Variants in GNAQ observed in about 807,000 individuals in gnomAD.
GNAQ encodes G protein subunit alpha q.
Under a neutral mutation model 43.9 loss-of-function variants are expected in GNAQ, and 8 were observed. The observed-to-expected ratio is 0.18, with a 90% CI of 0.11 to 0.33. The LOEUF is 0.33. Ranked by LOEUF, GNAQ falls within the 10% of genes least tolerant of loss-of-function variation. The pLI is 1.00. For missense variants in GNAQ, 158 were observed against 450.8 expected (o/e 0.35, Z 5.88); for synonymous variants, 155 against 170.7 (o/e 0.91, Z 0.71).
intron 1 of GNAQ, among the ~76,000 whole-genome samples, chr9:77,967,188 G>A (rs911963843): frequency 2.0e-5 from 3 of 152,160 alleles, no homozygotes; most frequent in African/African-American, 7.2e-5. Flanking sequence ...ATTGCAGAAT[G>A]GGAAGCTGCC....
intron 5 of GNAQ, among the ~76,000 whole-genome samples, chr9:77,743,649 T>C (rs528321030): frequency 4.1e-5 from 5 of 122,898 alleles, no homozygotes; most frequent in Admixed American, 8.9e-5. Context: ...TTGGATTGGC[T>C]GATCTTTTTT....
intron 5 of GNAQ, among the ~76,000 whole-genome samples, chr9:77,729,878 A>C (rs953684531): frequency 1.3e-5 from 2 of 152,182 alleles, no homozygotes; most frequent in African/African-American, 2.4e-5. Context: ...CCAGGCCCCA[A>C]ATCACCTGGA....
chr9:77,940,042 T>C (rs189479589), intron 1 of GNAQ, among the ~76,000 whole-genome samples: 2 of 152,264 alleles, frequency 1.3e-5, no homozygotes, highest in African/African-American at 2.4e-5. Context: ...TACTAGACAA[T>C]ATGTGTAAAC....
At chr9:77,910,641 T>C (rs947276392) in intron 2 of GNAQ, among the ~76,000 whole-genome samples, 2 of 152,302 alleles carry the variant, frequency 1.3e-5, no homozygotes, top group East Asian at 3.9e-4. Flanking sequence ...GCTATTTTTT[T>C]TTTTTAATCA....
intron 3 of GNAQ, among the ~76,000 whole-genome samples, chr9:77,801,583 T>A (rs1383180380): frequency 6.6e-6 from 1 of 152,112 alleles, no homozygotes; most frequent in Non-Finnish European, 1.5e-5. Context: ...TTTGCCTCAG[T>A]TGAATAATAG....
At chr9:77,853,580 T>G (rs1409187067) in intron 2 of GNAQ, among the ~76,000 whole-genome samples, 6 of 151,932 alleles carry the variant, frequency 3.9e-5, no homozygotes, top group Admixed American at 3.9e-4. Flanking sequence ...AATATATCAG[T>G]AGAGGCTCAG....
intron 5 of GNAQ, among the ~76,000 whole-genome samples, chr9:77,779,762 G>A (rs114017860): frequency 0.012 from 1,816 of 148,776 alleles, 37 homozygotes; most frequent in African/African-American, 0.041. Context: ...TCACACGGAC[G>A]TTAAAAGGAC....
intron 2 of GNAQ, among the ~76,000 whole-genome samples, chr9:77,878,044 T>C (rs922206808): frequency 7.2e-5 from 11 of 152,188 alleles, no homozygotes; most frequent in African/African-American, 2.7e-4. Context: ...TCCATGAAGA[T>C]AGAACAGGAT....
chr9:77,897,521 T>A (rs894276220), intron 2 of GNAQ, among the ~76,000 whole-genome samples: 1 of 152,192 alleles, frequency 6.6e-6, no homozygotes, highest in Admixed American at 6.5e-5. Context: ...TCTGCTTTCA[T>A]AGGATGCAGC....
At chr9:78,022,974 T>C (rs1823929144) in intron 1 of GNAQ, among the ~76,000 whole-genome samples, 1 of 152,226 alleles carries the variant, frequency 6.6e-6, no homozygotes, top group South Asian at 2.1e-4. Context: ...TGCAAGTCAC[T>C]GAGAAGAGGG....
intron 1 of GNAQ, among the ~76,000 whole-genome samples, chr9:78,026,654 G>GCA (rs1470712818): frequency 6.6e-6 from 1 of 151,786 alleles, no homozygotes; most frequent in Non-Finnish European, 1.5e-5. Flanking sequence ...GTTAATTCAG[G>GCA]CAATCAACAT....
chr9:77,756,206 T>C (rs1190490290), intron 5 of GNAQ, among the ~76,000 whole-genome samples: 2 of 152,224 alleles, frequency 1.3e-5, no homozygotes, highest in Admixed American at 1.3e-4. Context: ...ACCTTGTGAC[T>C]GTGTTAATAC....
chr9:77,733,095 A>G (rs553685260), intron 5 of GNAQ, among the ~76,000 whole-genome samples: 4 of 152,268 alleles, frequency 2.6e-5, no homozygotes, highest in African/African-American at 9.6e-5. Flanking sequence ...AGGGTAGAAC[A>G]CTAAACTGGG....
chr9:77,752,692 T>A lies in GNAQ; in HGVS notation c.736-24025A>T, dbSNP rs55852524. On this transcript the variant is annotated intron_variant, in intron 5 of 6. Transcript: ENST00000286548. ...TGTGTCTGTTATTACACCTCAACAC[T>A]GAAGTATGTGTGCAAAGTCACTGGG... Among the ~76,000 whole-genome samples, 907 of 152,358 alleles carry A rather than the reference T, an allele frequency of 6.0e-3. 8 individuals carry two copies. Among genetic ancestry groups the A allele is most frequent in the African/African-American group, 0.021 (881 of 41,574 alleles).
intron 5 of GNAQ, among the ~76,000 whole-genome samples, chr9:77,753,471 T>C (rs934906764): frequency 6.6e-6 from 1 of 152,246 alleles, no homozygotes; most frequent in Admixed American, 6.5e-5. Flanking sequence ...GATAACTCTA[T>C]GGATACCACT....
chr9:77,965,070 C>T (rs1470981393), intron 1 of GNAQ, among the ~76,000 whole-genome samples: 1 of 150,972 alleles, frequency 6.6e-6, no homozygotes, highest in Non-Finnish European at 1.5e-5. Flanking sequence ...ACTGTAACTA[C>T]TCAAAAAGGC....
intron 2 of GNAQ, among the ~76,000 whole-genome samples, chr9:77,899,261 C>T (rs1264988345): frequency 2.0e-4 from 30 of 151,940 alleles, no homozygotes; most frequent in Non-Finnish European, 5.9e-5. Context: ...CACACCCAGC[C>T]AATTTTTTTA....
chr9:77,997,783 G>A (rs536387526), intron 1 of GNAQ, among the ~76,000 whole-genome samples: 5 of 152,230 alleles, frequency 3.3e-5, no homozygotes, highest in East Asian at 3.9e-4. Context: ...GGCACCCGGC[G>A]GGCAAGGGCA....
chr9:78,028,636 TTAG>T (rs1258050507), intron 1 of GNAQ, among the ~76,000 whole-genome samples: 3 of 152,348 alleles, frequency 2.0e-5, no homozygotes, highest in Non-Finnish European at 2.9e-5. Context: ...GTTAAAAATA[TTAG>T]TAGATCTTTA....
Sources: allele counts gnomAD v4.1 joint callset (sites outside exome capture counted in the v4.1 genomes callset), GRCh38; gene constraint gnomAD v4.1.1; transcripts MANE v1.5; gene names NCBI Gene and HGNC (gene_info 2026-07-23, HGNC 2026-07-21).